Variants in SPIRE1 observed in about 807,000 individuals in gnomAD.
SPIRE1 encodes protein spire homolog 1.
Under a neutral mutation model 94.1 loss-of-function variants are expected in SPIRE1, and 40 were observed. The observed-to-expected ratio is 0.43, with a 90% CI of 0.33 to 0.55. The LOEUF is 0.55. Ranked by LOEUF, SPIRE1 falls within the 20% of genes least tolerant of loss-of-function variation. The pLI, the probability that SPIRE1 is intolerant of heterozygous loss-of-function variation, is 0.06. For missense variants in SPIRE1, 838 were observed against 975.2 expected, an observed-to-expected ratio of 0.86 and a Z score of 1.87; for synonymous variants, 376 against 371.7, an observed-to-expected ratio of 1.01 and a Z score of -0.13.
At chr18:12,542,962 G>A (rs1470481220) in intron 3 of SPIRE1, among the ~76,000 whole-genome samples, 1 of 152,220 alleles carries the variant, frequency 6.6e-6, no homozygotes, top group Admixed American at 6.5e-5. Context: ...AAGTAGCTGG[G>A]ATTTCAGGCA....
chr18:12,643,926 C>T (rs995252677), intron 1 of SPIRE1, among the ~76,000 whole-genome samples: 1 of 150,840 alleles, frequency 6.6e-6, no homozygotes, highest in Non-Finnish European at 1.5e-5. Context: ...CTGTGACTCA[C>T]ATCTATAATC....
At chr18:12,479,931 G>T in intron 9 of SPIRE1, 60 bp from the exon 10 acceptor site, 1 of 1,502,114 alleles carries the variant, frequency 6.7e-7, no homozygotes, top group Non-Finnish European at 9.1e-7. Flanking sequence ...TGTGTTGGAA[G>T]CATACCAGGT....
chr18:12,657,419 G>T, intron 1 of SPIRE1, 111 bp downstream of exon 1: 2 of 919,974 alleles, frequency 2.2e-6, no homozygotes, highest in Non-Finnish European at 2.8e-6. Context: ...GGTCTCCCGT[G>T]GCAAAATGGG....
At chr18:12,550,129 T>C (rs776811166) in intron 2 of SPIRE1, among the ~76,000 whole-genome samples, 3 of 152,196 alleles carry the variant, frequency 2.0e-5, no homozygotes, top group African/African-American at 4.8e-5. Flanking sequence ...GTAGGTCTTC[T>C]ATTCCTGTTT....
chr18:12,607,277 T>C (rs1370107983), intron 2 of SPIRE1, among the ~76,000 whole-genome samples: 1 of 152,238 alleles, frequency 6.6e-6, no homozygotes, highest in Non-Finnish European at 1.5e-5. Context: ...TTACACGTTT[T>C]TCTTTTGAGT....
intron 1 of SPIRE1, among the ~76,000 whole-genome samples, chr18:12,639,914 G>C (rs1039237777): frequency 6.6e-6 from 1 of 151,346 alleles, no homozygotes; most frequent in Non-Finnish European, 1.5e-5. Flanking sequence ...TTATGTCCCA[G>C]GAAACAGAAA....
chr18:12,489,631 T>C (rs1229570119), intron 8 of SPIRE1, among the ~76,000 whole-genome samples: 1 of 151,948 alleles, frequency 6.6e-6, no homozygotes, highest in Non-Finnish European at 1.5e-5. Flanking sequence ...TAGGAAAAAA[T>C]AGAAAAAGCT....
chr18:12,467,597 A>C (rs2032168437), intron 10 of SPIRE1, among the ~76,000 whole-genome samples: 1 of 152,236 alleles, frequency 6.6e-6, no homozygotes, highest in Non-Finnish European at 1.5e-5. Context: ...TACCCTGATT[A>C]AAACAGCAGA....
intron 2 of SPIRE1, among the ~76,000 whole-genome samples, chr18:12,624,029 T>G (rs1046426248): frequency 6.6e-6 from 1 of 151,178 alleles, no homozygotes; most frequent in Non-Finnish European, 1.5e-5. Context: ...GTTCAAGCCA[T>G]TCTCCTGCCT....
At chr18:12,529,486 G>T (rs1305501907) in intron 4 of SPIRE1, among the ~76,000 whole-genome samples, 1 of 152,154 alleles carries the variant, frequency 6.6e-6, no homozygotes, top group Non-Finnish European at 1.5e-5. Context: ...ACTTGAAAGG[G>T]TCAAGGAAGA....
At chr18:12,658,251 A>G (rs2144926703), upstream of SPIRE1, 1 of 468,424 alleles carries the variant, frequency 2.1e-6, no homozygotes, top group Non-Finnish European at 4.0e-6. Flanking sequence ...AGATGGCCGC[A>G]CGGTCTCTAG....
chr18:12,449,610 G>A lies in SPIRE1; in HGVS notation c.*28C>T. 1 of 1,607,702 alleles carries A rather than the reference G, an allele frequency of 6.2e-7. No individual in the cohort carries two copies. Among genetic ancestry groups the A allele is most frequent in the Non-Finnish European group, 8.5e-7 (1 of 1,175,908 alleles). ...CCTCGCGCACGGACGCTGACTCGTA[G>A]CACAAAAGCAGCTGAAAGGCACGAG... On this transcript the variant is annotated 3_prime_UTR_variant, in exon 17 of 17. Coordinates refer to ENST00000409402, the MANE Select transcript of SPIRE1 (RefSeq NM_001128626.2).
chr18:12,653,798 T>C (rs1466293733), intron 1 of SPIRE1, among the ~76,000 whole-genome samples: 2 of 151,394 alleles, frequency 1.3e-5, no homozygotes, highest in African/African-American at 4.9e-5. Flanking sequence ...AATACAAAAT[T>C]AGCCAGGCGT....
chr18:12,539,614 C>CACACAT lies in SPIRE1; in HGVS notation c.604-4014_604-4013insATGTGT, dbSNP rs1555621644. 3.0e-3 allele frequency among the ~76,000 whole-genome samples: 452 copies of CACACAT among 150,842 alleles called. 4 individuals are homozygous for CACACAT. The highest frequency in any genetic ancestry group is 5.6e-3 in the African/African-American group (227 of 40,856). ...ACACACACACACACACACACACACA[C>CACACAT]GTTGGGAATAACAGCTACTATTAAG... On this transcript the variant is annotated intron_variant, in intron 3 of 16. Transcript: ENST00000409402.
At chr18:12,537,360 A>AT (rs2034871742) in intron 3 of SPIRE1, among the ~76,000 whole-genome samples, 1 of 152,234 alleles carries the variant, frequency 6.6e-6, no homozygotes, top group African/African-American at 2.4e-5. Flanking sequence ...AAGAAATGGC[A>AT]TAAAGCCACT....
intron 2 of SPIRE1, among the ~76,000 whole-genome samples, chr18:12,585,197 A>G (rs993959877): frequency 6.6e-6 from 1 of 152,212 alleles, no homozygotes; most frequent in African/African-American, 2.4e-5. Context: ...AATATGAATA[A>G]GCCAAATGGA....
At chr18:12,589,009 C>T (rs141275773) in intron 2 of SPIRE1, among the ~76,000 whole-genome samples, 1 of 152,112 alleles carries the variant, frequency 6.6e-6, no homozygotes. Context: ...GTTATTCATA[C>T]AGATACATAC....
chr18:12,615,345 A>AAAAAAAAAATATATATAT, intron 2 of SPIRE1, among the ~76,000 whole-genome samples: 1 of 17,242 alleles, frequency 5.8e-5, no homozygotes, highest in Non-Finnish European at 1.9e-4. Flanking sequence ...AAAAAAAAAA[A>AAAAAAAAAATATATATAT]ATATATATAT....
chr18:12,559,044 C>G lies in SPIRE1; in HGVS notation c.373-12140G>C, dbSNP rs1017435312. Among the ~76,000 whole-genome samples, 7 of 152,122 alleles carry G rather than the reference C, an allele frequency of 4.6e-5. No homozygotes were observed. Among genetic ancestry groups the G allele is most frequent in the Non-Finnish European group, 7.4e-5 (5 of 67,996 alleles). On this transcript the variant is annotated intron_variant, in intron 2 of 16. Transcript: ENST00000409402. The surrounding 1 kb of genome is among the most constrained non-coding windows in gnomAD (Gnocchi z 4.7). The stretch of plus-strand genomic sequence containing the variant: ...CCTAGTGGATCCTGCACCAGGGCGG[C>G]GGGCAGAGGTGCCCGCCAGTCCCGT...
Sources: gnomAD v4.1 joint callset for allele counts (sites outside exome capture counted in the v4.1 genomes callset) on GRCh38, gnomAD v4.1.1 for gene constraint, Gnocchi (gnomAD v3.1) non-coding constraint, MANE v1.5 for transcripts, NCBI Gene and HGNC (gene_info 2026-07-23, HGNC 2026-07-21) for gene names.